DHRSX: variants seen among roughly 807,000 people sequenced by gnomAD.
DHRSX encodes the protein dehydrogenase/reductase X-linked.
Under a neutral mutation model 34.0 loss-of-function variants are expected in DHRSX, and 31 were observed. The ratio of observed to expected loss-of-function variants is 0.91; its 90% confidence interval spans 0.69 to 1.23. DHRSX has a LOEUF of 1.23. DHRSX is among the 50% of genes most tolerant of loss of function. The pLI, the probability that DHRSX is intolerant of heterozygous loss-of-function variation, is 0.00. For synonymous variants in DHRSX, 201 were observed against 183.8 expected, an observed-to-expected ratio of 1.09 and a Z score of -0.76; for missense variants, 414 against 428.1, an observed-to-expected ratio of 0.97 and a Z score of 0.29.
intron 3 of DHRSX, among the ~76,000 whole-genome samples, chrX:2,348,582 G>A (rs750330044): frequency 6.6e-6 from 1 of 152,220 alleles, no homozygotes; most frequent in South Asian, 2.1e-4. Flanking sequence ...ACAGGAAGAA[G>A]CAAAAATGAA....
intron 1 of DHRSX, among the ~76,000 whole-genome samples, chrX:2,478,742 C>T (rs6641809): frequency 0.3 from 45,139 of 149,974 alleles, 7,172 homozygotes; most frequent in African/African-American, 0.41. Context: ...AGACGTTCCC[C>T]AAGCGTGCGG....
At position 2,249,709 on chromosome X, in the gene DHRSX, A is replaced by G. The variant is rs542416997; in HGVS notation, c.597-6479T>C. ...CAGCTAATTTTTGTATTTGCAGTAGAGATGGGGTGTCACTGTGTTGGCCAG... is the reference window on the plus strand; with the variant it reads ...CAGCTAATTTTTGTATTTGCAGTAGGGATGGGGTGTCACTGTGTTGGCCAG... On this transcript the variant is annotated intron_variant, in intron 5 of 6. Transcript: ENST00000334651. Among the ~76,000 whole-genome samples the G allele has an allele frequency of 5.3e-5, 8 of 151,036 alleles. 1 individual carries two copies. The highest frequency in any genetic ancestry group is 1.9e-4 in the African/African-American group (8 of 41,234).
chrX:2,475,559 C>T (rs1356539112), intron 1 of DHRSX, among the ~76,000 whole-genome samples: 7 of 152,030 alleles, frequency 4.6e-5, no homozygotes, highest in Admixed American at 6.5e-5. Flanking sequence ...AAGGGACCGC[C>T]GCCAGGTACA....
intron 3 of DHRSX, among the ~76,000 whole-genome samples, chrX:2,310,530 GTGTGTGTGTGTATA>G (rs1389815947): frequency 1.3e-5 from 2 of 150,700 alleles, no homozygotes; most frequent in South Asian, 2.1e-4. Context: ...AGATTATTCT[GTGTGTGTGTGTATA>G]TGTGTGTGTG....
intron 2 of DHRSX, 28 bp from the exon 3 acceptor site, chrX:2,408,841 G>A (rs753153865): frequency 1.1e-5 from 17 of 1,579,806 alleles, no homozygotes; most frequent in Admixed American, 5.3e-5. Flanking sequence ...AAAAAGATAC[G>A]GTGACTTGTA....
Position 2,220,637 on chromosome X carries a change from A to C in DHRSX, c.*404T>G, listed in dbSNP as rs2015499183. 5.7e-6 allele frequency: 1 copy of C among 176,130 alleles called. No individual in the cohort carries two copies. Among genetic ancestry groups the C allele is most frequent in the Admixed American group, 5.7e-5 (1 of 17,504 alleles). The allele number at this position is 176,130 out of a possible 1,614,324, so 10.9% of individuals were successfully genotyped here. On this transcript the variant is annotated 3_prime_UTR_variant, in exon 7 of 7. Transcript: ENST00000334651. ...GAAAAATGAGTGAGTGCAGGAACAA[A>C]ATCAAACAGGAGACCTCATCCACCA... is the stretch of plus-strand genomic sequence containing the variant.
Position 2,411,752 on chromosome X carries a change from C to CAAAACA in DHRSX, c.218-2940_218-2939insTGTTTT, listed in dbSNP as rs1556511672. Among the ~76,000 whole-genome samples, 24 of 149,884 alleles carry CAAAACA rather than the reference C, an allele frequency of 1.6e-4. No individual in the cohort carries two copies. The East Asian group carries it at 3.3e-3, about 21-fold the overall frequency. On this transcript the variant is annotated intron_variant, in intron 2 of 6. Coordinates refer to ENST00000334651, the MANE Select transcript of DHRSX (RefSeq NM_145177.3). ...AAAAAGAAAACAAAACAAAACAAAA[C>CAAAACA]AAAAAAAAACAAAGGGAAACATGCC... is the stretch of plus-strand genomic sequence containing the variant.
chrX:2,353,895 G>A (rs575528323), intron 3 of DHRSX, among the ~76,000 whole-genome samples: 2 of 152,142 alleles, frequency 1.3e-5, no homozygotes, highest in African/African-American at 4.8e-5. Context: ...TTAAGGGCCA[G>A]CAAATTATAT....
chrX:2,253,289 GCCA>G (rs2016479244), intron 5 of DHRSX, among the ~76,000 whole-genome samples: 2 of 139,488 alleles, frequency 1.4e-5, no homozygotes, highest in African/African-American at 5.3e-5. Flanking sequence ...CCAAGATGGC[GCCA>G]CGGCACTGCA....
intron 6 of DHRSX, among the ~76,000 whole-genome samples, chrX:2,224,258 C>T (rs114838791): frequency 0.43 from 64,333 of 148,142 alleles, 14,411 homozygotes; most frequent in Middle Eastern, 0.57. Context: ...CAGCTTAGGC[C>T]GCTCCTGGGT....
At chrX:2,486,554 A>G (rs1462120215) in intron 1 of DHRSX, 1 of 152,228 alleles carries the variant, frequency 6.6e-6, no homozygotes, top group Non-Finnish European at 1.5e-5. Flanking sequence ...GACAGTTCAC[A>G]TTTCCACGTG....
At chrX:2,304,117 A>G (rs1324247470) in intron 3 of DHRSX, among the ~76,000 whole-genome samples, 3 of 66,574 alleles carry the variant, frequency 4.5e-5, no homozygotes, top group African/African-American at 6.8e-5. Context: ...AGATGGATGG[A>G]TGGATAAATG....
chrX:2,268,525 ATGCCT>A (rs2041505380), intron 4 of DHRSX, among the ~76,000 whole-genome samples: 1 of 152,244 alleles, frequency 6.6e-6, no homozygotes, highest in Non-Finnish European at 1.5e-5. Flanking sequence ...TCAAAGATAT[ATGCCT>A]ATAGAGATAT....
intron 3 of DHRSX, among the ~76,000 whole-genome samples, chrX:2,355,545 A>AAAAAAAAAAAAAAAT (rs2042840043): frequency 7.6e-6 from 1 of 131,300 alleles, no homozygotes; most frequent in African/African-American, 2.9e-5. Context: ...AAAAAAAAAA[A>AAAAAAAAAAAAAAAT]GACTATCATT....
intron 3 of DHRSX, among the ~76,000 whole-genome samples, chrX:2,303,797 GTGGGTGGGTGGATGGGTGGGTGGA>G (rs1426308514): frequency 7.5e-5 from 2 of 26,612 alleles, no homozygotes; most frequent in Non-Finnish European, 1.7e-4. Flanking sequence ...GGATGGGTGG[GTGGGTGGGTGGATGGGTGGGTGGA>G]TGGGTGGGTG....
At chrX:2,307,124 T>C (rs900557991) in intron 3 of DHRSX, among the ~76,000 whole-genome samples, 2 of 152,200 alleles carry the variant, frequency 1.3e-5, no homozygotes, top group African/African-American at 4.8e-5. Flanking sequence ...TAGAATAGTA[T>C]AGAGCCATAA....
chrX:2,274,229 G>T (rs976775665), intron 4 of DHRSX, among the ~76,000 whole-genome samples: 2 of 151,554 alleles, frequency 1.3e-5, no homozygotes, highest in African/African-American at 4.9e-5. Flanking sequence ...GTAGAGACGG[G>T]GTTTCACCAT....
intron 1 of DHRSX, among the ~76,000 whole-genome samples, chrX:2,441,464 T>G (rs1294933467): frequency 6.6e-6 from 1 of 151,768 alleles, no homozygotes; most frequent in Non-Finnish European, 1.5e-5. Flanking sequence ...AAACAACCAG[T>G]AGGATATATA....
At position 2,276,655 on chromosome X, in the gene DHRSX, G is replaced by A. The variant is rs938968179; in HGVS notation, c.389-9708C>T. Among the ~76,000 whole-genome samples the A allele has an allele frequency of 5.6e-5, 8 of 144,038 alleles. 1 individual carries two copies. The highest frequency in any genetic ancestry group is 2.4e-4 in the African/African-American group (8 of 34,006). 94.5% of individuals were successfully genotyped at this position (144,038 alleles called of 152,430 possible). ...AACACAGGTGAGGTGTATCCTGAAC[G>A]GGAGGAGAAGGGAGAGTTCTCCGCT... is the stretch of plus-strand genomic sequence containing the variant. On this transcript the variant is annotated intron_variant, in intron 4 of 6. Transcript: ENST00000334651.
Sources: allele counts gnomAD v4.1 joint callset (sites outside exome capture counted in the v4.1 genomes callset), GRCh38; gene constraint gnomAD v4.1.1; transcripts MANE v1.5; gene names NCBI Gene and HGNC (gene_info 2026-07-23, HGNC 2026-07-21).